Variants in EIPR1 observed in about 807,000 individuals in gnomAD.
The protein encoded by EIPR1 is EARP and GARP complex-interacting protein 1.
Under a neutral mutation model 48.1 loss-of-function variants are expected in EIPR1, and 25 were observed. The ratio of observed to expected loss-of-function variants is 0.52; its 90% CI spans 0.38 to 0.73. The LOEUF (loss-of-function observed/expected upper bound fraction) is 0.73, where lower values mean the gene tolerates loss of function less well. Among genes scored for constraint, EIPR1 ranks in the 30% least tolerant of loss-of-function variants. The pLI is 0.00. For synonymous variants in EIPR1, 204 were observed against 201.9 expected (o/e 1.01, Z -0.09); for missense variants, 415 against 506.2 (o/e 0.82, Z 1.73).
At chr2:3,257,477 AT>A in intron 3 of EIPR1, 22 bp from the exon 4 acceptor site, 1 of 1,613,104 alleles carries the variant, frequency 6.2e-7, no homozygotes. Flanking sequence ...AGCATAATGG[AT>A]AATGTCAACA....
intron 5 of EIPR1, among the ~76,000 whole-genome samples, chr2:3,204,083 G>A (rs1197395784): frequency 3.9e-5 from 6 of 152,240 alleles, no homozygotes; most frequent in South Asian, 2.1e-4. Flanking sequence ...AGACTAACAC[G>A]AGGCACTGAC....
intron 1 of EIPR1, among the ~76,000 whole-genome samples, chr2:3,359,743 G>A (rs956625902): frequency 2.0e-5 from 3 of 152,148 alleles, no homozygotes; most frequent in Admixed American, 6.5e-5. Flanking sequence ...CAGAATGATC[G>A]TTTTACAGGT....
Position 3,377,639 on chromosome 2 carries a change from G to A in EIPR1, c.42+9C>T. 1 of 1,571,296 alleles carries A rather than the reference G, an allele frequency of 6.4e-7. No individual in the cohort carries two copies. Among genetic ancestry groups the A allele is most frequent in the African/African-American group, 1.4e-5 (1 of 73,880 alleles). ...CCGAGCAGCACCTGCCGCCCTCCCA[G>A]TGACCCACCTGGAACTCCAGCCCGT... is the stretch of plus-strand genomic sequence containing the variant. On this transcript the variant is annotated intron_variant, in intron 1 of 8. Transcript: ENST00000382125.
chr2:3,349,013 G>C (rs934540797), intron 2 of EIPR1, among the ~76,000 whole-genome samples: 1 of 152,214 alleles, frequency 6.6e-6, no homozygotes, highest in African/African-American at 2.4e-5. Context: ...GAGCTGTCCT[G>C]ATTTTCAGGA....
At chr2:3,214,063 T>G in intron 5 of EIPR1, 86 bp downstream of exon 5, 2 of 1,220,316 alleles carry the variant, frequency 1.6e-6, no homozygotes, top group East Asian at 2.7e-5. Flanking sequence ...AGTGATCTCA[T>G]TGTTCAATTC....
chr2:3,295,141 C>A (rs1668512470), intron 3 of EIPR1, among the ~76,000 whole-genome samples: 1 of 146,106 alleles, frequency 6.8e-6, no homozygotes, highest in Non-Finnish European at 1.5e-5. Context: ...TGCACAACCT[C>A]CATCCGGCAT....
At chr2:3,297,922 G>A (rs1262241452) in intron 3 of EIPR1, among the ~76,000 whole-genome samples, 1 of 152,162 alleles carries the variant, frequency 6.6e-6, no homozygotes, top group Non-Finnish European at 1.5e-5. Context: ...CCCGGGTTCA[G>A]CTTTGTCTTG....
At chr2:3,327,304 C>G (rs1004552097) in intron 3 of EIPR1, among the ~76,000 whole-genome samples, 1 of 152,190 alleles carries the variant, frequency 6.6e-6, no homozygotes, top group African/African-American at 2.4e-5. Flanking sequence ...CTGCCTCAGC[C>G]TCTCGAGTAG....
intron 3 of EIPR1, among the ~76,000 whole-genome samples, chr2:3,299,401 T>C (rs1004731995): frequency 6.6e-6 from 1 of 152,196 alleles, no homozygotes; most frequent in South Asian, 2.1e-4. Context: ...GCTCTGCTGA[T>C]GGCATTCTGA....
intron 3 of EIPR1, among the ~76,000 whole-genome samples, chr2:3,295,885 A>C (rs1286760008): frequency 3.8e-5 from 3 of 78,338 alleles, no homozygotes; most frequent in African/African-American, 5.3e-5. Flanking sequence ...CACACCCTCC[A>C]TCCAGCCCAT....
intron 4 of EIPR1, among the ~76,000 whole-genome samples, chr2:3,234,318 C>G (rs1187629080): frequency 6.6e-6 from 1 of 152,216 alleles, no homozygotes; most frequent in Admixed American, 6.5e-5. Flanking sequence ...CAACTTTTTG[C>G]TTTAAACATG....
chr2:3,219,359 C>G (rs1171367237), intron 4 of EIPR1, among the ~76,000 whole-genome samples: 10 of 134,472 alleles, frequency 7.4e-5, no homozygotes, highest in East Asian at 2.3e-4. Context: ...TTCACAGTGA[C>G]TCAGGTGCAC....
At chr2:3,197,183 T>C (rs573691307) in intron 5 of EIPR1, among the ~76,000 whole-genome samples, 166 bp from the exon 6 acceptor site, 1 of 152,300 alleles carries the variant, frequency 6.6e-6, no homozygotes, top group East Asian at 1.9e-4. Flanking sequence ...ATGGCAAAAA[T>C]GAACCTTACT....
intron 5 of EIPR1, among the ~76,000 whole-genome samples, chr2:3,200,643 G>A (rs1266478443): frequency 6.6e-6 from 1 of 152,096 alleles, no homozygotes; most frequent in Non-Finnish European, 1.5e-5. Flanking sequence ...ACTGAAAGGT[G>A]GACACAGGGG....
intron 3 of EIPR1, 71 bp downstream of exon 3, chr2:3,337,946 T>C: frequency 6.6e-7 from 1 of 1,517,874 alleles, no homozygotes; most frequent in Non-Finnish European, 8.8e-7. Context: ...CCATTAGCAA[T>C]ACAAAACCCG....
At chr2:3,245,377 T>C (rs1219759714) in intron 4 of EIPR1, among the ~76,000 whole-genome samples, 2 of 152,120 alleles carry the variant, frequency 1.3e-5, no homozygotes, top group Non-Finnish European at 1.5e-5. Flanking sequence ...CGTGCCCAGC[T>C]AATTTTTGTA....
At chr2:3,352,064 G>A (rs1670593829) in intron 2 of EIPR1, among the ~76,000 whole-genome samples, 1 of 144,688 alleles carries the variant, frequency 6.9e-6, no homozygotes, top group Non-Finnish European at 1.5e-5. Context: ...CCATGCTACA[G>A]AAGCGACCTG....
At chr2:3,264,091 C>T (rs972481674) in intron 3 of EIPR1, among the ~76,000 whole-genome samples, 2 of 152,176 alleles carry the variant, frequency 1.3e-5, no homozygotes, top group Admixed American at 1.3e-4. Flanking sequence ...ATCTCTGGAA[C>T]TCATTTCTCC....
At chr2:3,295,933 C>T (rs1182508032) in intron 3 of EIPR1, among the ~76,000 whole-genome samples, 5 of 88,382 alleles carry the variant, frequency 5.7e-5, no homozygotes, top group Non-Finnish European at 9.0e-5. Flanking sequence ...CCATCCTCTC[C>T]TTGCACACAC....
Sources: gnomAD v4.1 joint callset for allele counts (sites outside exome capture counted in the v4.1 genomes callset) on GRCh38, gnomAD v4.1.1 for gene constraint, MANE v1.5 for transcripts, NCBI Gene and HGNC (gene_info 2026-07-23, HGNC 2026-07-21) for gene names.